ZRANB3: variants seen among roughly 807,000 people sequenced by gnomAD.
ZRANB3 encodes DNA annealing helicase and endonuclease ZRANB3.
A neutral mutation model predicts 133.8 loss-of-function variants in ZRANB3; 125 were observed. That is an observed-to-expected ratio of 0.93 (90% CI 0.81 to 1.08). The LOEUF is 1.08. Ranked by LOEUF, ZRANB3 falls within the 50% of genes least tolerant of loss-of-function variation. The pLI is 0.00. For synonymous variants in ZRANB3, 387 were observed against 432.7 expected, an observed-to-expected ratio of 0.89 and a Z score of 1.31; for missense variants, 1,229 against 1,275.5, an observed-to-expected ratio of 0.96 and a Z score of 0.56.
chr2:135,452,199 G>A (rs1296786226), intron 2 of ZRANB3, among the ~76,000 whole-genome samples: 1 of 152,166 alleles, frequency 6.6e-6, no homozygotes, highest in Non-Finnish European at 1.5e-5. Flanking sequence ...GAACCCATCA[G>A]ATCTTGTGAA....
intron 7 of ZRANB3, among the ~76,000 whole-genome samples, 194 bp from the exon 8 acceptor site, chr2:135,313,799 G>C (rs1683120844): frequency 6.6e-6 from 1 of 152,112 alleles, no homozygotes; most frequent in African/African-American, 2.4e-5. Flanking sequence ...CAAAATTATA[G>C]AAACCAATGA....
At chr2:135,323,073 A>G (rs974745234) in intron 6 of ZRANB3, among the ~76,000 whole-genome samples, 9 of 151,508 alleles carry the variant, frequency 5.9e-5, no homozygotes, top group Non-Finnish European at 1.3e-4. Context: ...CACTCCATTC[A>G]TTTAGGTCTT....
At chr2:135,235,314 A>G (rs1695236558) in intron 12 of ZRANB3, among the ~76,000 whole-genome samples, 1 of 152,168 alleles carries the variant, frequency 6.6e-6, no homozygotes, top group Admixed American at 6.5e-5. Flanking sequence ...CAACCAAAAA[A>G]AGTCCAGGAC....
intron 3 of ZRANB3, among the ~76,000 whole-genome samples, chr2:135,384,340 A>G (rs947265427): frequency 1.3e-5 from 2 of 152,332 alleles, no homozygotes; most frequent in South Asian, 4.1e-4. Context: ...TCTGAAATTG[A>G]GGCAATAATT....
At chr2:135,329,389 G>C (rs1684021843) in intron 6 of ZRANB3, among the ~76,000 whole-genome samples, 1 of 152,076 alleles carries the variant, frequency 6.6e-6, no homozygotes, top group Non-Finnish European at 1.5e-5. Context: ...TGTTATTTCT[G>C]AGGCCTCTGT....
At chr2:135,397,395 G>A (rs1460401435) in intron 2 of ZRANB3, among the ~76,000 whole-genome samples, 1 of 150,464 alleles carries the variant, frequency 6.6e-6, no homozygotes, top group African/African-American at 2.4e-5. Context: ...CTGCAGTGAG[G>A]CATGATCGTA....
chr2:135,403,133 C>T (rs1489230798), intron 2 of ZRANB3, among the ~76,000 whole-genome samples: 2 of 152,132 alleles, frequency 1.3e-5, no homozygotes, highest in Non-Finnish European at 2.9e-5. Context: ...GTGCACCCAG[C>T]AGGAGCCGAA....
At chr2:135,517,573 ACT>A (rs1383954954) in intron 1 of ZRANB3, among the ~76,000 whole-genome samples, 19 of 152,104 alleles carry the variant, frequency 1.2e-4, no homozygotes, top group African/African-American at 3.4e-4. Flanking sequence ...TCCACTCAAG[ACT>A]CTGTTTGCCT....
intron 8 of ZRANB3, among the ~76,000 whole-genome samples, chr2:135,309,112 C>G (rs567724768): frequency 6.4e-4 from 97 of 151,872 alleles, no homozygotes; most frequent in African/African-American, 2.2e-3. Flanking sequence ...TCCCATGTAG[C>G]TGGGACTACA....
At chr2:135,219,273 C>T (rs1694438935) in intron 15 of ZRANB3, 95 bp from the exon 16 acceptor site, 1 of 810,782 alleles carries the variant, frequency 1.2e-6, no homozygotes, top group Non-Finnish European at 1.8e-6. Context: ...CACAATATGC[C>T]TAGTCTCCTA....
intron 6 of ZRANB3, among the ~76,000 whole-genome samples, chr2:135,331,208 A>C (rs1039384618): frequency 6.6e-5 from 10 of 152,120 alleles, no homozygotes; most frequent in African/African-American, 2.4e-4. Context: ...TAGTGCTATA[A>C]ATTTCCCTCT....
chr2:135,275,626 G>T lies in ZRANB3; in HGVS notation c.1086+10C>A, dbSNP rs1170007595. ...TCTAAAAAGTATTTAGTTAAAAAAT[G>T]GCAACATACCTTATTTTCGATGACT... On this transcript the variant is annotated intron_variant, in intron 9 of 20. Transcript: ENST00000264159. 1.9e-6 allele frequency: 3 copies of T among 1,566,416 alleles called. No individual in the cohort carries two copies. Among genetic ancestry groups the T allele is most frequent in the Non-Finnish European group, 2.6e-6 (3 of 1,155,410 alleles).
At chr2:135,220,401 C>G (rs1209531992) in intron 15 of ZRANB3, among the ~76,000 whole-genome samples, 1 of 151,400 alleles carries the variant, frequency 6.6e-6, no homozygotes, top group Non-Finnish European at 1.5e-5. Context: ...AAAGTAGGCA[C>G]TGATTAAAAA....
chr2:135,326,898 CAAAAAAAAAAA>C (rs56683794), intron 6 of ZRANB3, among the ~76,000 whole-genome samples: 4 of 61,462 alleles, frequency 6.5e-5, no homozygotes, highest in South Asian at 4.3e-4. Context: ...GACTCCATCT[CAAAAAAAAAAA>C]AAAAAAAAAA....
chr2:135,406,488 T>G (rs1281643060), intron 2 of ZRANB3, among the ~76,000 whole-genome samples: 1 of 152,214 alleles, frequency 6.6e-6, no homozygotes, highest in African/African-American at 2.4e-5. Flanking sequence ...AGCATCATTC[T>G]GATACCAAAG....
intron 3 of ZRANB3, among the ~76,000 whole-genome samples, chr2:135,356,320 C>T (rs574678850): frequency 5.9e-5 from 9 of 151,898 alleles, no homozygotes; most frequent in Non-Finnish European, 8.8e-5. Context: ...TGTGAAGTAA[C>T]GCATATGTTA....
In ZRANB3 at chr2:135,387,620, A is replaced by G. The variant is rs556365395; in HGVS notation, c.180+3182T>C. Among the ~76,000 whole-genome samples the G allele has an allele frequency of 3.1e-4, 47 of 152,348 alleles. 1 individual carries two copies. Among genetic ancestry groups the G allele is most frequent in the African/African-American group, 1.0e-3 (43 of 41,582 alleles). ...TTTTTTCTTAATCAACATTATAAAT[A>G]GGATATAACATCATAAACCCTGTCA... On this transcript the variant is annotated intron_variant, in intron 3 of 20. Coordinates refer to ENST00000264159, the MANE Select transcript of ZRANB3 (RefSeq NM_032143.4).
chr2:135,229,360 G>A (rs537700194), intron 13 of ZRANB3, among the ~76,000 whole-genome samples: 2 of 150,822 alleles, frequency 1.3e-5, no homozygotes, highest in African/African-American at 2.5e-5. Context: ...CTTTGTCAAT[G>A]CCAATATTTT....
intron 2 of ZRANB3, among the ~76,000 whole-genome samples, chr2:135,453,250 AT>A (rs1690353185): frequency 6.6e-6 from 1 of 151,488 alleles, no homozygotes; most frequent in African/African-American, 2.4e-5. Flanking sequence ...CCACAAAACC[AT>A]TTTTTCCTCC....
Sources: allele counts gnomAD v4.1 joint callset (sites outside exome capture counted in the v4.1 genomes callset), GRCh38; gene constraint gnomAD v4.1.1; transcripts MANE v1.5; gene names NCBI Gene and HGNC (gene_info 2026-07-23, HGNC 2026-07-21).